Variants in DOCK3 observed in about 807,000 individuals in gnomAD.
The protein encoded by DOCK3 is dedicator of cytokinesis 3, also known as dedicator of cytokinesis protein 3.
DOCK3 carries 60 observed loss-of-function variants against 265.6 expected under a neutral mutation model. The ratio of observed to expected loss-of-function variants is 0.23; its 90% CI spans 0.18 to 0.28. DOCK3 has a LOEUF of 0.28. Among genes scored for constraint, DOCK3 ranks in the 10% least tolerant of loss-of-function variants. The probability of loss-of-function intolerance (pLI) is 1.00; values close to 1 mark genes in which losing one functional copy is unlikely to be tolerated. For missense variants in DOCK3, 1,981 were observed against 2,594.3 expected (o/e 0.76, Z 5.14); for synonymous variants, 881 against 938.0 (o/e 0.94, Z 1.11).
At chr3:51,206,961 T>C (rs986206076) in intron 12 of DOCK3, among the ~76,000 whole-genome samples, 4 of 152,178 alleles carry the variant, frequency 2.6e-5, no homozygotes, top group Non-Finnish European at 5.9e-5. Context: ...AGGGCATCTC[T>C]GGGTACAGCC....
intron 26 of DOCK3, among the ~76,000 whole-genome samples, chr3:51,279,113 A>C (rs983389660): frequency 2.0e-5 from 3 of 152,022 alleles, no homozygotes; most frequent in Non-Finnish European, 4.4e-5. Context: ...TTAGCCGGGC[A>C]TGGTGGTGGG....
intron 27 of DOCK3, among the ~76,000 whole-genome samples, chr3:51,308,760 G>T (rs2082859274): frequency 6.6e-6 from 1 of 152,058 alleles, no homozygotes; most frequent in South Asian, 2.1e-4. Flanking sequence ...GGTGGTGGCC[G>T]GGCAGAGGGG....
Position 51,381,797 on chromosome 3 carries a change from G to C in DOCK3, c.*238G>C. The C allele has an allele frequency of 4.2e-6, 2 of 471,888 alleles. No individual in the cohort carries two copies. Among genetic ancestry groups the C allele is most frequent in the Non-Finnish European group, 7.3e-6 (2 of 275,300 alleles). 29.2% of individuals were successfully genotyped at this position (471,888 alleles called of 1,614,324 possible). A position where few individuals can be genotyped will look rare whatever the true frequency, so the allele number is the denominator to read the frequency against. ...ATTTTTTTACATTTCCATTTCTATG[G>C]GTTTTCCTTTCTTTCCTTTATGCAG... On this transcript the variant is annotated 3_prime_UTR_variant, in exon 53 of 53. Transcript: ENST00000266037. This position sits in a 1 kb window ranked among gnomAD's most constrained non-coding sequence, Gnocchi z 5.6.
intron 22 of DOCK3, 95 bp downstream of exon 22, chr3:51,246,902 C>T (rs2078868132): frequency 1.5e-5 from 18 of 1,215,348 alleles, no homozygotes; most frequent in Middle Eastern, 2.1e-4. Flanking sequence ...ATGTAGACAT[C>T]GCAGTACCTG....
chr3:50,938,639 AACCC>A (rs1460155585), intron 5 of DOCK3, among the ~76,000 whole-genome samples: 1 of 152,082 alleles, frequency 6.6e-6, no homozygotes, highest in Non-Finnish European at 1.5e-5. Flanking sequence ...CTGAAAAATT[AACCC>A]ACTACTAAAT....
chr3:50,777,551 A>G (rs921032401), intron 1 of DOCK3, among the ~76,000 whole-genome samples: 4 of 152,126 alleles, frequency 2.6e-5, no homozygotes, highest in Admixed American at 2.0e-4. Flanking sequence ...TGAGCATGGC[A>G]TATGTTTCCA....
At position 51,090,396 on chromosome 3, in the gene DOCK3, T is replaced by C; in HGVS notation, c.746+12T>C. Reference sequence around the variant, plus strand: ...GGCAAGCAGATCAGGTGAGAGTCACTGGAAATTCTGGTGAGGTTCTATGTT... The same window carrying C: ...GGCAAGCAGATCAGGTGAGAGTCACCGGAAATTCTGGTGAGGTTCTATGTT... On this transcript the variant is annotated intron_variant, in intron 9 of 52. Coordinates refer to ENST00000266037, the MANE Select transcript of DOCK3 (RefSeq NM_004947.5). 6.3e-7 allele frequency: 1 copy of C among 1,597,234 alleles called. No individual in the cohort carries two copies. The highest frequency in any genetic ancestry group is 8.5e-7 in the Non-Finnish European group (1 of 1,171,614).
intron 5 of DOCK3, among the ~76,000 whole-genome samples, chr3:51,022,545 A>C (rs2079636583): frequency 6.6e-6 from 1 of 152,154 alleles, no homozygotes; most frequent in South Asian, 2.1e-4. Flanking sequence ...GCTAATGTGT[A>C]TGTTACCAGC....
chr3:51,212,914 A>G (rs1167101330), intron 13 of DOCK3, among the ~76,000 whole-genome samples: 1 of 152,030 alleles, frequency 6.6e-6, no homozygotes, highest in Non-Finnish European at 1.5e-5. Context: ...GCAACGAGAT[A>G]ATTATGAGGT....
chr3:50,924,412 G>T, intron 4 of DOCK3, among the ~76,000 whole-genome samples: 1 of 152,186 alleles, frequency 6.6e-6, no homozygotes, highest in East Asian at 1.9e-4. Context: ...GAAGTAATTA[G>T]TAAGATCAGT....
At chr3:50,870,765 A>C (rs1031824598) in intron 3 of DOCK3, among the ~76,000 whole-genome samples, 1 of 150,082 alleles carries the variant, frequency 6.7e-6, no homozygotes, top group South Asian at 2.1e-4. Context: ...GCTTTTTTGG[A>C]TCTCATGTAT....
At chr3:50,692,179 A>G (rs367691450) in intron 1 of DOCK3, among the ~76,000 whole-genome samples, 1 of 152,270 alleles carries the variant, frequency 6.6e-6, no homozygotes, top group African/African-American at 2.4e-5. Context: ...GGGGTTCCAA[A>G]ACATTGAGAT....
intron 1 of DOCK3, among the ~76,000 whole-genome samples, chr3:50,726,088 C>T (rs1231740894): frequency 6.6e-6 from 1 of 152,112 alleles, no homozygotes; most frequent in Non-Finnish European, 1.5e-5. Context: ...TTCTCTACTA[C>T]TTATAATACC....
chr3:51,087,933 T>C (rs891268947), intron 7 of DOCK3, among the ~76,000 whole-genome samples: 2 of 152,092 alleles, frequency 1.3e-5, no homozygotes, highest in Non-Finnish European at 2.9e-5. Context: ...AGTATATAAA[T>C]GAGACACCAG....
intron 9 of DOCK3, among the ~76,000 whole-genome samples, chr3:51,101,113 CT>C (rs59972198): frequency 9.2e-4 from 113 of 122,540 alleles, no homozygotes; most frequent in Non-Finnish European, 1.3e-3. Flanking sequence ...CTTAGTCTTT[CT>C]TTTTTTTTTT....
chr3:51,278,321 G>A (rs2080924705), intron 26 of DOCK3: 2 of 985,370 alleles, frequency 2.0e-6, no homozygotes, highest in Non-Finnish European at 2.4e-6. Flanking sequence ...TTCTCAGGAG[G>A]GGCAGAGAGA....
At chr3:51,011,165 G>A (rs192218088) in intron 5 of DOCK3, among the ~76,000 whole-genome samples, 9 of 152,170 alleles carry the variant, frequency 5.9e-5, no homozygotes, top group South Asian at 4.1e-4. Flanking sequence ...GAATGTTGGC[G>A]TGTCTTGCTA....
intron 5 of DOCK3, among the ~76,000 whole-genome samples, chr3:51,059,669 A>G (rs1380381080): frequency 6.6e-6 from 1 of 152,100 alleles, no homozygotes; most frequent in Non-Finnish European, 1.5e-5. Context: ...AGCTGATGAT[A>G]TTGCTTTTTA....
intron 23 of DOCK3, among the ~76,000 whole-genome samples, chr3:51,266,930 T>A (rs1336123610): frequency 1.3e-5 from 2 of 152,222 alleles, no homozygotes; most frequent in Non-Finnish European, 2.9e-5. Context: ...TCTATCCATC[T>A]GACAAACGGC....
Sources: allele counts gnomAD v4.1 joint callset (sites outside exome capture counted in the v4.1 genomes callset), GRCh38; gene constraint gnomAD v4.1.1; non-coding constraint Gnocchi (gnomAD v3.1); transcripts MANE v1.5; gene names NCBI Gene and HGNC (gene_info 2026-07-23, HGNC 2026-07-21).